The following STRN variants were observed in gnomAD, a reference collection of about 807,000 sequenced individuals.
STRN encodes the protein striatin, also known as protein phosphatase 2 regulatory subunit B'''alpha.
In STRN, 53 loss-of-function variants were observed where a neutral mutation model predicts 96.3. The ratio of observed to expected loss-of-function variants is 0.55; its 90% CI spans 0.44 to 0.69. STRN has a LOEUF of 0.69. STRN is among the 30% of genes least tolerant of loss of function. The pLI is 0.00. For synonymous variants in STRN, 428 were observed against 355.9 expected (o/e 1.20, Z -2.28); for missense variants, 987 against 963.9 (o/e 1.02, Z -0.32).
intron 2 of STRN, among the ~76,000 whole-genome samples, chr2:36,923,323 C>T (rs1248631103): frequency 6.6e-6 from 1 of 151,220 alleles, no homozygotes; most frequent in Non-Finnish European, 1.5e-5. Context: ...TGGTGGCATG[C>T]GCCTGTAGTC....
chr2:36,911,852 A>G (rs1018051568), intron 3 of STRN, among the ~76,000 whole-genome samples: 1 of 152,186 alleles, frequency 6.6e-6, no homozygotes, highest in African/African-American at 2.4e-5. Context: ...TCATGATCAC[A>G]CACCTCAACT....
At chr2:36,866,081 A>C (rs959547882) in intron 12 of STRN, among the ~76,000 whole-genome samples, 12 of 151,900 alleles carry the variant, frequency 7.9e-5, no homozygotes, top group Non-Finnish European at 1.6e-4. Context: ...TCTATTATTT[A>C]TTTATTTGAG....
chr2:36,940,029 G>A (rs1029179783), intron 1 of STRN, among the ~76,000 whole-genome samples: 1 of 152,074 alleles, frequency 6.6e-6, no homozygotes, highest in Non-Finnish European at 1.5e-5. Flanking sequence ...TCCCACCATA[G>A]ACATAGTTCA....
Position 36,902,749 on chromosome 2 carries a change from T to TA in STRN, c.493dup (p.Tyr165LeufsTer17), listed in dbSNP as rs1558645589. 6.2e-7 allele frequency: 1 copy of TA among 1,601,194 alleles called. No homozygotes were observed. The stretch of plus-strand genomic sequence containing the variant: ...ATCTGTATAACCCACCTCCTGTAGA[T>TA]ACCTGTGTGAAGAGAATCCTTAGAG... On this transcript the variant is annotated frameshift_variant and splice_region_variant, in exon 5 of 18. Transcript: ENST00000263918. LOFTEE classifies it high-confidence loss of function.
intron 1 of STRN, among the ~76,000 whole-genome samples, chr2:36,934,791 A>G (rs1166587270): frequency 2.0e-5 from 3 of 152,178 alleles, no homozygotes; most frequent in Non-Finnish European, 4.4e-5. Context: ...AAAGTAGTCA[A>G]TTAGGCTGGG....
chr2:36,939,624 C>T (rs1670796111), intron 1 of STRN, among the ~76,000 whole-genome samples: 1 of 151,892 alleles, frequency 6.6e-6, no homozygotes, highest in Admixed American at 6.6e-5. Flanking sequence ...CTCAAGCAAT[C>T]CTCCCACCTC....
At chr2:36,908,960 G>T (rs528842827) in intron 3 of STRN, among the ~76,000 whole-genome samples, 17 of 150,084 alleles carry the variant, frequency 1.1e-4, no homozygotes, top group African/African-American at 4.2e-4. Flanking sequence ...CAGCCTGGGC[G>T]ACAGAGCAAG....
intron 6 of STRN, among the ~76,000 whole-genome samples, chr2:36,895,268 A>T (rs1171116973): frequency 6.6e-6 from 1 of 151,856 alleles, no homozygotes; most frequent in Non-Finnish European, 1.5e-5. Flanking sequence ...CAGAGCTTGC[A>T]GTGAGCCAAG....
At chr2:36,874,215 GA>G (rs1223008168) in intron 10 of STRN, among the ~76,000 whole-genome samples, 14 of 150,682 alleles carry the variant, frequency 9.3e-5, no homozygotes, top group Non-Finnish European at 2.1e-4. Flanking sequence ...AGTCAGCTAA[GA>G]TCGCGCCACT....
intron 7 of STRN, among the ~76,000 whole-genome samples, chr2:36,887,679 C>A (rs749087760): frequency 5.3e-5 from 8 of 152,086 alleles, no homozygotes; most frequent in Non-Finnish European, 1.0e-4. Context: ...AGGCTTAATA[C>A]ATAGCATTTG....
chr2:36,940,820 G>A (rs1670826513), intron 1 of STRN, among the ~76,000 whole-genome samples: 1 of 144,094 alleles, frequency 6.9e-6, no homozygotes, highest in Non-Finnish European at 1.5e-5. Flanking sequence ...CTGGGCGACT[G>A]GGCAAGACTC....
chr2:36,928,752 G>C (rs1670488076), intron 1 of STRN, among the ~76,000 whole-genome samples: 1 of 151,256 alleles, frequency 6.6e-6, no homozygotes, highest in Admixed American at 6.6e-5. Context: ...AGACCAGCCT[G>C]ACCAAGATGG....
At chr2:36,872,636 G>A (rs1002515930) in intron 10 of STRN, among the ~76,000 whole-genome samples, 2 of 152,166 alleles carry the variant, frequency 1.3e-5, no homozygotes, top group Non-Finnish European at 2.9e-5. Flanking sequence ...CCGAGCGACA[G>A]ACCTAACACC....
At chr2:36,894,192 A>C (rs1240338636) in intron 6 of STRN, among the ~76,000 whole-genome samples, 159 bp from the exon 7 acceptor site, 2 of 152,238 alleles carry the variant, frequency 1.3e-5, no homozygotes, top group Non-Finnish European at 2.9e-5. Context: ...AAATATGTAC[A>C]TTATAAATTT....
At chr2:36,857,332 A>AT (rs762733024) in intron 14 of STRN, among the ~76,000 whole-genome samples, 31 of 152,080 alleles carry the variant, frequency 2.0e-4, no homozygotes, top group Admixed American at 3.3e-4. Context: ...TTATATCTTA[A>AT]TTTTTTAAAA....
chr2:36,885,152 T>C (rs1029073490), intron 8 of STRN, among the ~76,000 whole-genome samples: 9 of 152,186 alleles, frequency 5.9e-5, no homozygotes, highest in African/African-American at 2.2e-4. Flanking sequence ...TCCAGTCAAA[T>C]GGTGCAGTTT....
chr2:36,851,026 T>G lies in STRN; in HGVS notation c.2060A>C (p.His687Pro). 1 of 1,612,864 alleles carries G rather than the reference T, an allele frequency of 6.2e-7. No homozygotes were observed. Among genetic ancestry groups the G allele is most frequent in the Non-Finnish European group, 8.5e-7 (1 of 1,179,228 alleles). ...TGTATTGTTATCATAGAATTTGATG[T>G]GCCTGTCTTCATGAGCAGTGATGCT... is the stretch of plus-strand genomic sequence containing the variant. ...PISITAHEDR[H>P]IKFYDNNTGK... The change falls in exon 16 of 18, where the codon CAC (histidine) becomes CCC (proline). Residue 687 changes from histidine to proline, a missense_variant. Transcript: ENST00000263918.
At chr2:36,857,004 C>A (rs1173948635) in intron 14 of STRN, among the ~76,000 whole-genome samples, 4 of 151,870 alleles carry the variant, frequency 2.6e-5, no homozygotes, top group African/African-American at 9.7e-5. Context: ...GAACCGTCAA[C>A]CAATTAAACC....
intron 15 of STRN, 147 bp from the exon 16 acceptor site, chr2:36,851,254 G>T (rs541750716): frequency 7.2e-6 from 4 of 553,082 alleles, no homozygotes; most frequent in African/African-American, 5.8e-5. Flanking sequence ...GGAGGCCAAG[G>T]TGGGTGGATC....
Sources: allele counts gnomAD v4.1 joint callset (sites outside exome capture counted in the v4.1 genomes callset), GRCh38; gene constraint gnomAD v4.1.1; transcripts MANE v1.5; gene names NCBI Gene and HGNC (gene_info 2026-07-23, HGNC 2026-07-21).